EMC8: variants seen among roughly 807,000 people sequenced by gnomAD.
EMC8 encodes COX4 neighbor.
EMC8 carries 11 observed loss-of-function variants against 24.3 expected under a neutral mutation model. That is an observed-to-expected ratio of 0.45 (90% confidence interval 0.28 to 0.75). EMC8 has a LOEUF of 0.75. Among genes scored for constraint, EMC8 ranks in the 30% least tolerant of loss-of-function variants. The pLI, the probability that EMC8 is intolerant of heterozygous loss-of-function variation, is 0.12. For synonymous variants in EMC8, 145 were observed against 117.7 expected, an observed-to-expected ratio of 1.23 and a Z score of -1.50; for missense variants, 277 against 282.7, an observed-to-expected ratio of 0.98 and a Z score of 0.14.
chr16:85,796,510 G>A (rs868552984), intron 1 of EMC8, among the ~76,000 whole-genome samples: 7 of 152,204 alleles, frequency 4.6e-5, no homozygotes, highest in East Asian at 1.9e-4. Flanking sequence ...ATCTGATCAC[G>A]CAACTCTCCT....
In EMC8 at chr16:85,781,243, C is replaced by T. The variant is rs757020154; in HGVS notation, c.346G>A (p.Ala116Thr). The part of the protein sequence containing the change: ...QVAEKVASRI[A>T]EGFSDTALIM... ...AGCGCAGTGTCGCTGAAGCCCTCGGCGATTCTGGAGGCCACCTTCTCTGCA... is the reference window on the plus strand; with the variant it reads ...AGCGCAGTGTCGCTGAAGCCCTCGGTGATTCTGGAGGCCACCTTCTCTGCA... The change falls in exon 3 of 5, where the codon GCC becomes ACC. Residue 116 changes from alanine (A) to threonine (T), a missense_variant. Physicochemically the swap from Ala to Thr is moderately conservative, Grantham distance 58. Transcript: ENST00000253457. 16 of 1,613,574 alleles carry T rather than the reference C, an allele frequency of 9.9e-6. No homozygotes were observed. The Admixed American group carries it at 1.2e-4, about 12-fold the overall frequency.
At chr16:85,781,583 A>C in intron 2 of EMC8, 5 of 234,296 alleles carry the variant, frequency 2.1e-5, no homozygotes, top group South Asian at 9.6e-5. Flanking sequence ...ACAGGCCACC[A>C]CACCCAGTTA....
chr16:85,793,572 G>C (rs1905106897), intron 1 of EMC8, among the ~76,000 whole-genome samples: 1 of 152,196 alleles, frequency 6.6e-6, no homozygotes, highest in Admixed American at 6.5e-5. Context: ...GATGAACAAA[G>C]GGCAGGAGGG....
chr16:85,795,650 C>T (rs979380820), intron 1 of EMC8, among the ~76,000 whole-genome samples: 8 of 152,220 alleles, frequency 5.3e-5, no homozygotes, highest in Non-Finnish European at 1.0e-4. Context: ...ATGCCCCTTT[C>T]CCATACCTCG....
At chr16:85,781,096 C>T in intron 3 of EMC8, 115 bp downstream of exon 3, 1 of 730,458 alleles carries the variant, frequency 1.4e-6, no homozygotes. Flanking sequence ...CGGCAATGGT[C>T]TCAAGCAGAT....
chr16:85,785,667 G>T (rs960241708), intron 2 of EMC8, among the ~76,000 whole-genome samples: 3 of 152,170 alleles, frequency 2.0e-5, no homozygotes, highest in African/African-American at 4.8e-5. Flanking sequence ...CTTAGGCACT[G>T]AATCTCCAAT....
chr16:85,782,146 A>G (rs1904535384), intron 2 of EMC8, among the ~76,000 whole-genome samples: 1 of 152,180 alleles, frequency 6.6e-6, no homozygotes, highest in South Asian at 2.1e-4. Context: ...CTCCTGGGCC[A>G]AACTCCAAGC....
chr16:85,798,811 C>G (rs2152078777), intron 1 of EMC8: 1 of 442,600 alleles, frequency 2.3e-6, no homozygotes, highest in African/African-American at 2.0e-5. Flanking sequence ...TTTCAGGAAA[C>G]TAACGTATAA....
In EMC8 at chr16:85,780,375, T is replaced by A; in HGVS notation, c.473+4A>T. 6.2e-7 allele frequency: 1 copy of A among 1,612,442 alleles called. No individual in the cohort carries two copies. The highest frequency in any genetic ancestry group is 8.5e-7 in the Non-Finnish European group (1 of 1,178,472). On this transcript the variant is annotated splice_donor_region_variant and intron_variant, in intron 4 of 4. Coordinates refer to ENST00000253457, the MANE Select transcript of EMC8 (RefSeq NM_006067.5). ...GCCCGCGCGGCAGCATGGGGCGCAC[T>A]CACTGGTGTGGGTCTCTGCACCGCC...
intron 1 of EMC8, among the ~76,000 whole-genome samples, chr16:85,793,626 A>T (rs553900008): frequency 6.6e-5 from 10 of 152,296 alleles, no homozygotes; most frequent in African/African-American, 1.9e-4. Context: ...CGTGCAGAGG[A>T]GCAGAGGACA....
rs973275163 is a variant in EMC8 at position 85,788,868 on chromosome 16, G to T, written c.308+106C>A. The stretch of plus-strand genomic sequence containing the variant: ...CTACAAATAAGCACAGAGGGAAGGG[G>T]TGTAGGTCTCACAGGTTTCGTATCT... On this transcript the variant is annotated intron_variant, in intron 2 of 4. Coordinates refer to ENST00000253457, the MANE Select transcript of EMC8 (RefSeq NM_006067.5). The T allele has an allele frequency of 2.4e-5, 19 of 789,174 alleles. No individual in the cohort carries two copies. The Admixed American group carries it at 2.6e-4, about 11-fold the overall frequency. The allele number at this position is 789,174 out of a possible 1,614,324, so 48.9% of individuals were successfully genotyped here.
intron 3 of EMC8, chr16:85,780,892 G>A: frequency 2.2e-6 from 1 of 464,668 alleles, no homozygotes; most frequent in Non-Finnish European, 3.9e-6. Flanking sequence ...TCTTAACATG[G>A]ACTGCTGGGC....
chr16:85,799,346 AC>A lies in EMC8; in HGVS notation c.-52del. 8.2e-7 allele frequency: 1 copy of A among 1,216,814 alleles called. No individual in the cohort carries two copies. Among genetic ancestry groups the A allele is most frequent in the South Asian group, 1.5e-5 (1 of 66,652 alleles). The allele number at this position is 1,216,814 out of a possible 1,614,324, so 75.4% of individuals were successfully genotyped here. A position where few individuals can be genotyped will look rare whatever the true frequency, so the allele number is the denominator to read the frequency against. On this transcript the variant is annotated 5_prime_UTR_variant, in exon 1 of 5. Coordinates refer to ENST00000253457, the MANE Select transcript of EMC8 (RefSeq NM_006067.5). The surrounding 1 kb of genome is among the most constrained non-coding windows in gnomAD (Gnocchi z 4.2). Reference sequence around the variant, plus strand: ...CCCTGGGCGCGCGGCTGAGGCCTGGACCCGCTGCCTGGCCGCGCGGCGCCTC... The same window carrying A: ...CCCTGGGCGCGCGGCTGAGGCCTGGACCGCTGCCTGGCCGCGCGGCGCCTC...
At position 85,799,514 on chromosome 16, in the gene EMC8, T is replaced by G. The variant is rs973027097; in HGVS notation, c.-219A>C. Reference sequence around the variant, plus strand: ...GGGAAGCCGCAGCCCCAGACTCCAGTCGCGCTTCTCGCCCGGCGCCGCCGG... The same window carrying G: ...GGGAAGCCGCAGCCCCAGACTCCAGGCGCGCTTCTCGCCCGGCGCCGCCGG... On this transcript the variant is annotated 5_prime_UTR_variant, in exon 1 of 5. Coordinates refer to ENST00000253457, the MANE Select transcript of EMC8 (RefSeq NM_006067.5). The surrounding 1 kb of genome is among the most constrained non-coding windows in gnomAD (Gnocchi z 4.2). 2.6e-6 allele frequency: 1 copy of G among 383,832 alleles called. No individual in the cohort carries two copies. Among genetic ancestry groups the G allele is most frequent in the Non-Finnish European group, 4.6e-6 (1 of 217,508 alleles). 23.8% of individuals were successfully genotyped at this position (383,832 alleles called of 1,614,324 possible).
intron 1 of EMC8, among the ~76,000 whole-genome samples, chr16:85,794,595 G>A (rs545082814): frequency 2.6e-5 from 4 of 152,208 alleles, no homozygotes; most frequent in East Asian, 1.9e-4. Context: ...AGGCTGAGGC[G>A]GGAGAATCGC....
chr16:85,784,888 A>G (rs8059691), intron 2 of EMC8: 5,331 of 152,312 alleles, frequency 0.035, 296 homozygotes, highest in African/African-American at 0.12. Context: ...AGGGTAAGGA[A>G]ACACTCATTA....
Position 85,781,106 on chromosome 16 carries a change from T to C in EMC8, c.378+105A>G, listed in dbSNP as rs543434451. The C allele has an allele frequency of 6.6e-5, 51 of 776,138 alleles. 1 individual carries two copies. In the South Asian group the frequency reaches 7.1e-4, roughly 11 times the overall value. The allele number at this position is 776,138 out of a possible 1,614,324, so 48.1% of individuals were successfully genotyped here. On this transcript the variant is annotated intron_variant, in intron 3 of 4. Transcript: ENST00000253457. ...AGAGGCGGCAATGGTCTCAAGCAGATAAATGAGTGAAGGGGTTAGCGGAAA... is the reference window on the plus strand; with the variant it reads ...AGAGGCGGCAATGGTCTCAAGCAGACAAATGAGTGAAGGGGTTAGCGGAAA...
chr16:85,781,431 T>G (rs1474464501), intron 2 of EMC8, 151 bp from the exon 3 acceptor site: 3 of 611,084 alleles, frequency 4.9e-6, no homozygotes, highest in Non-Finnish European at 9.0e-6. Flanking sequence ...GGTTTACTTA[T>G]TATTTAATTT....
At chr16:85,792,205 T>C (rs1241408309) in intron 1 of EMC8, among the ~76,000 whole-genome samples, 1 of 152,130 alleles carries the variant, frequency 6.6e-6, no homozygotes, top group African/African-American at 2.4e-5. Context: ...GACAAACACA[T>C]GTATATCTCA....
Sources: gnomAD v4.1 joint callset for allele counts (sites outside exome capture counted in the v4.1 genomes callset) on GRCh38, gnomAD v4.1.1 for gene constraint, Gnocchi (gnomAD v3.1) non-coding constraint, MANE v1.5 for transcripts, NCBI Gene and HGNC (gene_info 2026-07-23, HGNC 2026-07-21) for gene names.